GSTA5: variants seen among roughly 807,000 people sequenced by gnomAD.
The protein encoded by GSTA5 is glutathione S-transferase alpha 5.
A neutral mutation model predicts 21.8 loss-of-function variants in GSTA5; 25 were observed. That is an observed-to-expected ratio of 1.14 (90% CI 0.83 to 1.60). The LOEUF is 1.60. GSTA5 is among the 40% of genes most tolerant of loss of function. The pLI, the probability that GSTA5 is intolerant of heterozygous loss-of-function variation, is 0.00. For synonymous variants in GSTA5, 102 were observed against 89.5 expected (o/e 1.14, Z -0.78); for missense variants, 330 against 259.2 (o/e 1.27, Z -1.88).
chr6:52,831,830 G>A lies in GSTA5; in HGVS notation c.*18C>T, dbSNP rs763988588. On this transcript the variant is annotated 3_prime_UTR_variant, in exon 6 of 6. Coordinates refer to ENST00000370989, the Ensembl canonical transcript of GSTA5. ...AGAATATTGGTCTGGCATGTTCTTG[G>A]CCTCCATAGCTGCTTTATTAAAACC... The A allele has an allele frequency of 6.2e-7, 1 of 1,613,594 alleles. No individual in the cohort carries two copies. The highest frequency in any genetic ancestry group is 1.1e-5 in the South Asian group (1 of 90,908).
exon 2 of GSTA5, chr6:52,837,559 A>G (rs1400699509): frequency 2.5e-6 from 4 of 1,600,428 alleles, no homozygotes; most frequent in Admixed American, 1.7e-5. Flanking sequence ...TGATCTTACC[A>G]TTTCTTAACT....
chr6:52,832,839 T>A lies in GSTA5; in HGVS notation c.546+20A>T. 2 of 1,613,620 alleles carry A rather than the reference T, an allele frequency of 1.2e-6. No individual in the cohort carries two copies. Among genetic ancestry groups the A allele is most frequent in the Non-Finnish European group, 1.7e-6 (2 of 1,179,718 alleles). Reference sequence around the variant, plus strand: ...TATAAGAGATGTGGGGCTGTCTCTCTGGGCTGTGAAATGGGTCACCTTCAG... The same window carrying A: ...TATAAGAGATGTGGGGCTGTCTCTCAGGGCTGTGAAATGGGTCACCTTCAG... On this transcript the variant is annotated intron_variant, in intron 5 of 5. Transcript: ENST00000370989.
chr6:52,836,091 A>T (rs759830095), intron 3 of GSTA5, 145 bp downstream of exon 3: 127 of 812,044 alleles, frequency 1.6e-4, no homozygotes, highest in Non-Finnish European at 2.4e-4. Context: ...TCTCCATGGG[A>T]CTCTGCAATA....
chr6:52,836,415 A>C (rs1479671912), intron 2 of GSTA5, 47 bp from the exon 3 acceptor site: 1 of 1,582,992 alleles, frequency 6.3e-7, no homozygotes, highest in Non-Finnish European at 8.6e-7. Flanking sequence ...TATGAAACCC[A>C]CCCTTTTGGG....
At chr6:52,845,024 A>G (rs1442087708), upstream of GSTA5, among the ~76,000 whole-genome samples, 3 of 152,042 alleles carry the variant, frequency 2.0e-5, no homozygotes, top group Non-Finnish European at 4.4e-5. Context: ...CTATCTATCC[A>G]TATCTCTAGA....
exon 4 of GSTA5, chr6:52,834,151 G>T (rs754818744): frequency 6.2e-7 from 1 of 1,614,002 alleles, no homozygotes; most frequent in South Asian, 1.1e-5. Context: ...TTTTTCAAAG[G>T]CAGGGAAGTA....
At chr6:52,842,171 CAG>C, upstream of GSTA5, among the ~76,000 whole-genome samples, 1 of 152,156 alleles carries the variant, frequency 6.6e-6, no homozygotes, top group African/African-American at 2.4e-5. Flanking sequence ...AGCAGAGTAT[CAG>C]AGAATGAAAA....
chr6:52,838,462 T>G (rs1017232141), intron 1 of GSTA5, among the ~76,000 whole-genome samples: 2 of 152,226 alleles, frequency 1.3e-5, no homozygotes, highest in Non-Finnish European at 2.9e-5. Flanking sequence ...ATATAAGTTA[T>G]GTTTAGAATT....
rs1764290539 is a variant in GSTA5, at chr6:52,836,227, A to G, written c.272+9T>C. On this transcript the variant is annotated intron_variant, in intron 3 of 5. Coordinates refer to ENST00000370989, the Ensembl canonical transcript of GSTA5. ...CTCTGTGGATGGAAGAACAGAAAAT[A>G]TACCATACAGGGCTCTCTCCTTCAT... is the stretch of plus-strand genomic sequence containing the variant. 6.2e-7 allele frequency: 1 copy of G among 1,612,260 alleles called. No individual in the cohort carries two copies. The highest frequency in any genetic ancestry group is 8.5e-7 in the Non-Finnish European group (1 of 1,179,458).
chr6:52,839,119 T>C (rs1764336169), intron 1 of GSTA5, among the ~76,000 whole-genome samples: 1 of 152,194 alleles, frequency 6.6e-6, no homozygotes, highest in Middle Eastern at 3.4e-3. Context: ...AGGACAAACC[T>C]AAGGAACGGT....
chr6:52,843,151 T>A (rs1013396002), upstream of GSTA5, among the ~76,000 whole-genome samples: 2 of 152,236 alleles, frequency 1.3e-5, no homozygotes, highest in African/African-American at 2.4e-5. Context: ...CAGTCTATCA[T>A]TGATGGGCAT....
At position 52,832,871 on chromosome 6, in the gene GSTA5, GA is replaced by G. The variant is rs565199292; in HGVS notation, c.533del (p.Phe178SerfsTer4). On this transcript the variant is annotated frameshift_variant, in exon 5 of 6. Coordinates refer to ENST00000370989, the Ensembl canonical transcript of GSTA5. LOFTEE classifies it low-confidence loss of function (END_TRUNC). ...TGAAATGGGTCACCTTCAGCAGAGG[GA>G]AGCTGGAGATAAGACTCGAGTCAAG... 463 of 1,613,992 alleles carry G rather than the reference GA, an allele frequency of 2.9e-4. 5 individuals carry two copies. The South Asian group carries it at 4.9e-3, about 17-fold the overall frequency.
intron 1 of GSTA5, among the ~76,000 whole-genome samples, chr6:52,839,843 A>G (rs1764347353): frequency 1.3e-5 from 2 of 152,282 alleles, no homozygotes; most frequent in South Asian, 4.1e-4. Flanking sequence ...AACACTGGGG[A>G]ATGCTTGGGT....
At chr6:52,832,790 C>A in intron 5 of GSTA5, 69 bp downstream of exon 5, 1 of 1,607,500 alleles carries the variant, frequency 6.2e-7, no homozygotes, top group South Asian at 1.1e-5. Context: ...TGGTCAGTCC[C>A]GGGGCCCAGA....
At chr6:52,836,492 T>G (rs1764296165) in intron 2 of GSTA5, 124 bp from the exon 3 acceptor site, 1 of 1,007,074 alleles carries the variant, frequency 9.9e-7, no homozygotes, top group East Asian at 2.5e-5. Flanking sequence ...CCTGTTAAGT[T>G]TTCACTTGAA....
At chr6:52,846,030 T>C in the GSTA5 span, 1 of 156,516 alleles carries the variant, frequency 6.4e-6, no homozygotes, top group African/African-American at 2.4e-5. Context: ...TGTGAGGCAA[T>C]GTAGAGGGAT....
intron 3 of GSTA5, 125 bp from the exon 4 acceptor site, chr6:52,834,407 A>G (rs1191710620): frequency 1.2e-6 from 1 of 811,860 alleles, no homozygotes; most frequent in East Asian, 2.5e-5. Flanking sequence ...AGTGCCTTTT[A>G]TACGCTAGTC....
chr6:52,846,057 T>C, the GSTA5 span: 4 of 157,594 alleles, frequency 2.5e-5, no homozygotes, highest in African/African-American at 9.6e-5. Context: ...GATCAGTACT[T>C]AGTTTGTTAA....
At chr6:52,834,402 CT>C in intron 3 of GSTA5, 120 bp from the exon 4 acceptor site, 1 of 833,540 alleles carries the variant, frequency 1.2e-6, no homozygotes. Context: ...CAGTTAGTGC[CT>C]TTTATACGCT....
Sources: gnomAD v4.1 joint callset for allele counts (sites outside exome capture counted in the v4.1 genomes callset) on GRCh38, gnomAD v4.1.1 for gene constraint, MANE v1.5 for transcripts, NCBI Gene and HGNC (gene_info 2026-07-23, HGNC 2026-07-21) for gene names.